ZNF236: variants seen among roughly 807,000 people sequenced by gnomAD.
ZNF236 encodes the protein regulated by glucose.
A neutral mutation model predicts 191.2 loss-of-function variants in ZNF236; 50 were observed. That is an observed-to-expected ratio of 0.26 (90% confidence interval 0.21 to 0.33). The LOEUF (loss-of-function observed/expected upper bound fraction) is 0.33. Among genes scored for constraint, ZNF236 ranks in the 10% least tolerant of loss-of-function variants. The pLI is 1.00. For synonymous variants in ZNF236, 907 were observed against 928.8 expected, an observed-to-expected ratio of 0.98 and a Z score of 0.43; for missense variants, 1,754 against 2,374.5, an observed-to-expected ratio of 0.74 and a Z score of 5.43.
intron 26 of ZNF236, among the ~76,000 whole-genome samples, chr18:76,947,209 A>G (rs1453004744): frequency 1.3e-5 from 2 of 152,196 alleles, no homozygotes; most frequent in African/African-American, 4.8e-5. Context: ...TGTAGCATGT[A>G]CCAGAACTTT....
rs563786224 is a variant in ZNF236 at position 76,919,074 on chromosome 18, T to C, written c.3275-702T>C. Among the ~76,000 whole-genome samples the C allele has an allele frequency of 6.6e-6, 1 of 152,202 alleles. No individual in the cohort carries two copies. The highest frequency in any genetic ancestry group is 2.4e-5 in the African/African-American group (1 of 41,464). ...ATTTGGTCTCCCATTTTTGGGCTTC[T>C]GGTTTTAAAAAATCTGATGGTAATT... On this transcript the variant is annotated intron_variant, in intron 19 of 30. Transcript: ENST00000320610. This position sits in a 1 kb window ranked among gnomAD's most constrained non-coding sequence, Gnocchi z 5.3.
At chr18:76,917,299 A>G (rs1450202713) in intron 19 of ZNF236, among the ~76,000 whole-genome samples, 1 of 152,246 alleles carries the variant, frequency 6.6e-6, no homozygotes, top group African/African-American at 2.4e-5. Flanking sequence ...CATTATTTCT[A>G]GAACCCCGTC....
At chr18:76,921,737 C>CTTTTTTTTTTTTTTTTTT (rs11380490) in intron 20 of ZNF236, among the ~76,000 whole-genome samples, 1 of 98,052 alleles carries the variant, frequency 1.0e-5, no homozygotes. Flanking sequence ...GTGGGATGTT[C>CTTTTTTTTTTTTTTTTTT]TTTTTTTTTT....
Position 76,880,783 on chromosome 18 carries a change from A to G in ZNF236, c.1188+467A>G, listed in dbSNP as rs1976870849. On this transcript the variant is annotated intron_variant, in intron 8 of 30. Coordinates refer to ENST00000320610, the MANE Select transcript of ZNF236 (RefSeq NM_001306089.2). This position sits in a 1 kb window ranked among gnomAD's most constrained non-coding sequence, Gnocchi z 5.0. ...AGGGGGGCAGGAGCGCAGAGCCCCC[A>G]GCTTTCTAGTCCACCGTGACTTCAC... Among the ~76,000 whole-genome samples the G allele has an allele frequency of 1.3e-5, 2 of 152,030 alleles. No homozygotes were observed. Among genetic ancestry groups the G allele is most frequent in the Non-Finnish European group, 2.9e-5 (2 of 67,986 alleles).
chr18:76,918,531 C>T (rs1178365110), intron 19 of ZNF236, among the ~76,000 whole-genome samples: 1 of 152,174 alleles, frequency 6.6e-6, no homozygotes, highest in Non-Finnish European at 1.5e-5. Flanking sequence ...ATCAAGCAAT[C>T]CTCCCACCTC....
At chr18:76,842,504 C>A (rs1419130958) in intron 1 of ZNF236, among the ~76,000 whole-genome samples, 1 of 151,292 alleles carries the variant, frequency 6.6e-6, no homozygotes, top group Non-Finnish European at 1.5e-5. Context: ...GTAATCCCAG[C>A]ACTTTGGGAG....
chr18:76,894,962 A>G, intron 9 of ZNF236, 51 bp from the exon 10 acceptor site: 1 of 1,590,980 alleles, frequency 6.3e-7, no homozygotes, highest in Non-Finnish European at 8.5e-7. Context: ...CCTGGACCTG[A>G]CCCTAGGCGG....
chr18:76,869,246 C>T (rs186697056), intron 4 of ZNF236, among the ~76,000 whole-genome samples: 11 of 152,258 alleles, frequency 7.2e-5, no homozygotes, highest in African/African-American at 2.6e-4. Flanking sequence ...CTGTTCTTAG[C>T]GTGTATATAA....
At chr18:76,876,743 C>T (rs1485003797) in intron 6 of ZNF236, among the ~76,000 whole-genome samples, 3 of 152,110 alleles carry the variant, frequency 2.0e-5, no homozygotes, top group Admixed American at 2.0e-4. Context: ...TGTGGTGTTG[C>T]CTCTGGGTGA....
intron 25 of ZNF236, among the ~76,000 whole-genome samples, chr18:76,934,524 C>T (rs1967943178): frequency 6.6e-6 from 1 of 152,186 alleles, no homozygotes; most frequent in Admixed American, 6.5e-5. Flanking sequence ...AAATTGAGTT[C>T]TGCTTTTGAT....
chr18:76,943,667 A>G (rs917123366), intron 26 of ZNF236, among the ~76,000 whole-genome samples: 1 of 152,198 alleles, frequency 6.6e-6, no homozygotes, highest in Non-Finnish European at 1.5e-5. Context: ...AAATTGGCAA[A>G]TCTTATTACA....
intron 9 of ZNF236, among the ~76,000 whole-genome samples, chr18:76,893,006 A>C (rs1977294571): frequency 6.6e-6 from 1 of 152,200 alleles, no homozygotes; most frequent in African/African-American, 2.4e-5. Context: ...TGTGTGGGTG[A>C]AACAAAACAT....
chr18:76,842,941 A>G (rs1325151033), intron 1 of ZNF236, among the ~76,000 whole-genome samples: 2 of 152,192 alleles, frequency 1.3e-5, no homozygotes, highest in Non-Finnish European at 2.9e-5. Flanking sequence ...CCAACTTCTC[A>G]GTGCAGGTGC....
At chr18:76,861,065 C>A (rs1230268022) in intron 3 of ZNF236, among the ~76,000 whole-genome samples, 2 of 152,160 alleles carry the variant, frequency 1.3e-5, no homozygotes, top group Non-Finnish European at 2.9e-5. Flanking sequence ...GAACTTAGCA[C>A]CCTCATACTG....
At chr18:76,858,166 T>C (rs1378435207) in intron 3 of ZNF236, among the ~76,000 whole-genome samples, 3 of 152,236 alleles carry the variant, frequency 2.0e-5, no homozygotes, top group African/African-American at 7.2e-5. Context: ...GCAACTAGCA[T>C]ATGCGCAGTT....
intron 1 of ZNF236, among the ~76,000 whole-genome samples, chr18:76,843,934 A>G (rs1472693866): frequency 6.6e-6 from 1 of 150,568 alleles, no homozygotes; most frequent in Non-Finnish European, 1.5e-5. Context: ...TATGAGCACA[A>G]GGAAGAAGGT....
At position 76,925,420 on chromosome 18, in the gene ZNF236, T is replaced by G. The variant is rs1967648084; in HGVS notation, c.3893T>G (p.Val1298Gly). Residue 1298 changes from valine (V) to glycine (G), a missense_variant, in exon 22 of 31, where the codon GTA becomes GGA. Transcript: ENST00000320610. The surrounding 1 kb of genome is among the most constrained non-coding windows in gnomAD (Gnocchi z 5.7). ...TRSSSEGLQPVNLLNSSSTDP... is the reference protein window; with the variant it reads ...TRSSSEGLQPGNLLNSSSTDP... ...AGCTCATCGGAAGGACTGCAGCCTG[T>G]AAACCTCCTCAACTCCTCCTCTACT... is the stretch of plus-strand genomic sequence containing the variant. 6.2e-7 allele frequency: 1 copy of G among 1,614,218 alleles called. No homozygotes were observed. Among genetic ancestry groups the G allele is most frequent in the Non-Finnish European group, 8.5e-7 (1 of 1,180,034 alleles).
chr18:76,942,939 C>T (rs186554315), intron 26 of ZNF236, among the ~76,000 whole-genome samples: 8,192 of 148,766 alleles, frequency 0.055, 308 homozygotes, highest in East Asian at 0.11. Flanking sequence ...CTGGCTGACA[C>T]GGTGAAACCC....
At chr18:76,829,351 G>A (rs1295173669) in intron 1 of ZNF236, among the ~76,000 whole-genome samples, 1 of 149,226 alleles carries the variant, frequency 6.7e-6, no homozygotes, top group Non-Finnish European at 1.5e-5. Flanking sequence ...TTTTTTGGAC[G>A]GAGTCTCGCT....
Sources: gnomAD v4.1 joint callset for allele counts (sites outside exome capture counted in the v4.1 genomes callset) on GRCh38, gnomAD v4.1.1 for gene constraint, Gnocchi (gnomAD v3.1) non-coding constraint, MANE v1.5 for transcripts, NCBI Gene and HGNC (gene_info 2026-07-23, HGNC 2026-07-21) for gene names.